BMPR2: variants seen among roughly 807,000 people sequenced by gnomAD.
BMPR2 encodes the protein bone morphogenetic protein receptor type 2.
Under a neutral mutation model 100.8 loss-of-function variants are expected in BMPR2, and 29 were observed. The ratio of observed to expected loss-of-function variants is 0.29; its 90% CI spans 0.21 to 0.39. BMPR2 has a LOEUF of 0.39. Among genes scored for constraint, BMPR2 ranks in the 10% least tolerant of loss-of-function variants. The pLI is 1.00. For missense variants in BMPR2, 1,011 were observed against 1,274.5 expected, an observed-to-expected ratio of 0.79 and a Z score of 3.15; for synonymous variants, 382 against 442.3, an observed-to-expected ratio of 0.86 and a Z score of 1.71.
intron 7 of BMPR2, among the ~76,000 whole-genome samples, chr2:202,530,209 A>G (rs906244710): frequency 2.0e-5 from 3 of 152,202 alleles, no homozygotes; most frequent in African/African-American, 7.2e-5. Context: ...TCAGAAAAAC[A>G]AGTTTTCATA....
At position 202,399,050 on chromosome 2, in the gene BMPR2, C is replaced by T. The variant is rs548738628; in HGVS notation, c.76+21500C>T. ...GGCTGAGGCAGGAGAATTGCTTGAA[C>T]CTGGGAGGCGGAGGTTATGGTGAGC... On this transcript the variant is annotated intron_variant, in intron 1 of 12. Transcript: ENST00000374580. 1.2e-3 allele frequency among the ~76,000 whole-genome samples: 188 copies of T among 152,170 alleles called. 1 individual carries two copies. The highest frequency in any genetic ancestry group is 2.3e-3 in the Non-Finnish European group (157 of 67,996).
chr2:202,473,955 A>AG (rs1692486972), intron 3 of BMPR2, among the ~76,000 whole-genome samples: 1 of 149,978 alleles, frequency 6.7e-6, no homozygotes, highest in African/African-American at 2.5e-5. Context: ...AAATACAAAA[A>AG]TTAGCTGGGC....
In BMPR2 at chr2:202,515,082, C is replaced by G. The variant is rs77506341; in HGVS notation, c.621+103C>G. 35,088 of 1,212,130 alleles carry G rather than the reference C, an allele frequency of 0.029. 633 individuals carry two copies. Among genetic ancestry groups the G allele is most frequent in the Non-Finnish European group, 0.036 (29,530 of 825,378 alleles). 75.1% of individuals were successfully genotyped at this position (1,212,130 alleles called of 1,614,324 possible). A position where few individuals can be genotyped will look rare whatever the true frequency, so the allele number is the denominator to read the frequency against. ...AAGACATTCATTCATTTATTTAACCCTATTTACTAAATTACAATTTTTTGT... is the reference window on the plus strand; with the variant it reads ...AAGACATTCATTCATTTATTTAACCGTATTTACTAAATTACAATTTTTTGT... On this transcript the variant is annotated intron_variant, in intron 5 of 12. Transcript: ENST00000374580.
intron 1 of BMPR2, among the ~76,000 whole-genome samples, chr2:202,458,698 C>T (rs766520434): frequency 4.6e-5 from 7 of 152,006 alleles, no homozygotes; most frequent in Non-Finnish European, 7.4e-5. Context: ...TTTTATTTGA[C>T]GTGTATTTTT....
At chr2:202,444,656 T>C (rs1691815348) in intron 1 of BMPR2, among the ~76,000 whole-genome samples, 1 of 150,858 alleles carries the variant, frequency 6.6e-6, no homozygotes, top group African/African-American at 2.5e-5. Context: ...TATGTAATAT[T>C]GGATGGAATG....
In BMPR2 at chr2:202,377,065, C is replaced by G. The variant is rs562486755; in HGVS notation, c.-410C>G. The G allele has an allele frequency of 1.7e-5, 9 of 528,664 alleles. No individual in the cohort carries two copies. Among genetic ancestry groups the G allele is most frequent in the Non-Finnish European group, 3.0e-5 (9 of 302,074 alleles). 32.7% of individuals were successfully genotyped at this position (528,664 alleles called of 1,614,324 possible). A position where few individuals can be genotyped will look rare whatever the true frequency, so the allele number is the denominator to read the frequency against. On this transcript the variant is annotated 5_prime_UTR_variant, in exon 1 of 13. Coordinates refer to ENST00000374580, the MANE Select transcript of BMPR2 (RefSeq NM_001204.7). ...CGGCAGTCGGGAACTAGTTCTGACC[C>G]TCGCCCCCCGACCCCGGATCGAATC... is the stretch of plus-strand genomic sequence containing the variant.
At position 202,453,074 on chromosome 2, in the gene BMPR2, A is replaced by G. The variant is rs547531448; in HGVS notation, c.77-11735A>G. 2.6e-5 allele frequency among the ~76,000 whole-genome samples: 4 copies of G among 152,314 alleles called. 1 individual carries two copies. In the South Asian group the frequency reaches 8.3e-4, roughly 32 times the overall value. ...GGGATTTGGAGTTTCTAGATTATGT[A>G]GGTCCTTGTACAACATCTTAAGGAT... On this transcript the variant is annotated intron_variant, in intron 1 of 12. Transcript: ENST00000374580.
chr2:202,537,893 T>TG (rs575476079), intron 9 of BMPR2, among the ~76,000 whole-genome samples: 113 of 148,080 alleles, frequency 7.6e-4, no homozygotes, highest in South Asian at 5.3e-3. Context: ...CTGAGAGGGG[T>TG]GGGGGTGGAT....
At position 202,383,353 on chromosome 2, in the gene BMPR2, CCTGA is replaced by C. The variant is rs1158480315; in HGVS notation, c.76+5806_76+5809del. 6.0e-4 allele frequency among the ~76,000 whole-genome samples: 92 copies of C among 152,194 alleles called. 1 individual carries two copies. Among genetic ancestry groups the C allele is most frequent in the African/African-American group, 2.0e-3 (84 of 41,514 alleles). ...CCTGAGGTCAGGAGTTTGAGACCAGCCTGACTAACGTGGTGAAACCCCGTCTCTA... is the reference window on the plus strand; with the variant it reads ...CCTGAGGTCAGGAGTTTGAGACCAGCCTAACGTGGTGAAACCCCGTCTCTA... On this transcript the variant is annotated intron_variant, in intron 1 of 12. Transcript: ENST00000374580.
intron 1 of BMPR2, among the ~76,000 whole-genome samples, chr2:202,413,370 T>G (rs1691052765): frequency 6.6e-6 from 1 of 152,226 alleles, no homozygotes; most frequent in African/African-American, 2.4e-5. Flanking sequence ...TGAATTATAG[T>G]GCTGGTAGCC....
At chr2:202,404,398 G>A (rs1690840662) in intron 1 of BMPR2, among the ~76,000 whole-genome samples, 1 of 152,086 alleles carries the variant, frequency 6.6e-6, no homozygotes, top group Non-Finnish European at 1.5e-5. Flanking sequence ...GTTTCACCAT[G>A]TTGGCCAGGC....
rs1243870958 is a variant in BMPR2, at chr2:202,457,559, TATAGAGAGAGAG to T, written c.77-7248_77-7237del. On this transcript the variant is annotated intron_variant, in intron 1 of 12. Coordinates refer to ENST00000374580, the MANE Select transcript of BMPR2 (RefSeq NM_001204.7). ...GCAATATTTTATATATATATATATA[TATAGAGAGAGAG>T]AGAGAGAGAGAGAGAGAGAGAGTAT... is the stretch of plus-strand genomic sequence containing the variant. Among the ~76,000 whole-genome samples the T allele has an allele frequency of 3.5e-3, 313 of 89,064 alleles. 3 individuals are homozygous for T. The highest frequency in any genetic ancestry group is 0.015 in the African/African-American group (275 of 18,036). The allele number at this position is 89,064 out of a possible 152,430, so 58.4% of individuals were successfully genotyped here.
chr2:202,440,444 G>A (rs1691714633), intron 1 of BMPR2, among the ~76,000 whole-genome samples: 1 of 149,638 alleles, frequency 6.7e-6, no homozygotes. Flanking sequence ...CTTCCTAGAC[G>A]GGATGGCTGC....
At chr2:202,498,728 A>AT (rs1300269788) in intron 3 of BMPR2, among the ~76,000 whole-genome samples, 1 of 151,962 alleles carries the variant, frequency 6.6e-6, no homozygotes, top group Non-Finnish European at 1.5e-5. Context: ...GAGGCGGCTC[A>AT]TTTTTTTCTG....
intron 3 of BMPR2, among the ~76,000 whole-genome samples, chr2:202,470,552 G>A (rs1178457976): frequency 4.0e-5 from 6 of 150,716 alleles, no homozygotes; most frequent in Admixed American, 1.3e-4. Context: ...ATGAGGTCAG[G>A]AGATCGAGAC....
chr2:202,537,689 A>C (rs963612641), intron 9 of BMPR2, among the ~76,000 whole-genome samples: 47 of 152,152 alleles, frequency 3.1e-4, no homozygotes, highest in African/African-American at 1.1e-3. Context: ...TGTATATTCT[A>C]CCACGATAAA....
Position 202,376,418 on chromosome 2 carries a change from T to G in BMPR2, c.-1057T>G, listed in dbSNP as rs1690141255. On this transcript the variant is annotated 5_prime_UTR_variant, in exon 1 of 13. Coordinates refer to ENST00000374580, the MANE Select transcript of BMPR2 (RefSeq NM_001204.7). ...TCTCGCCGCCTCCCTGCCCACCCCCTTCCCCGGCTACCTTCATCCGCCCTC... is the reference window on the plus strand; with the variant it reads ...TCTCGCCGCCTCCCTGCCCACCCCCGTCCCCGGCTACCTTCATCCGCCCTC... 1.4e-5 allele frequency among the ~76,000 whole-genome samples: 2 copies of G among 143,932 alleles called. No individual in the cohort carries two copies. Among genetic ancestry groups the G allele is most frequent in the East Asian group, 4.5e-4 (2 of 4,472 alleles). 94.4% of individuals were successfully genotyped at this position (143,932 alleles called of 152,430 possible).
intron 1 of BMPR2, among the ~76,000 whole-genome samples, chr2:202,462,743 G>C (rs901510741): frequency 1.3e-5 from 2 of 149,314 alleles, no homozygotes; most frequent in Non-Finnish European, 1.5e-5. Context: ...ATGGAGCTTT[G>C]CTCTTTTTGC....
chr2:202,554,353 G>A (rs990781120), intron 11 of BMPR2, among the ~76,000 whole-genome samples: 3 of 151,612 alleles, frequency 2.0e-5, no homozygotes, highest in African/African-American at 2.4e-5. Context: ...GCCACTTTTC[G>A]CCTCCTGTGT....
Sources: allele counts gnomAD v4.1 joint callset (sites outside exome capture counted in the v4.1 genomes callset), GRCh38; gene constraint gnomAD v4.1.1; transcripts MANE v1.5; gene names NCBI Gene and HGNC (gene_info 2026-07-23, HGNC 2026-07-21).